GPHN: variants seen among roughly 807,000 people sequenced by gnomAD.
GPHN encodes gephyrin.
A neutral mutation model predicts 95.5 loss-of-function variants in GPHN; 17 were observed. The observed-to-expected ratio is 0.18, with a 90% confidence interval of 0.12 to 0.27. GPHN has a LOEUF of 0.27. GPHN is among the 10% of genes least tolerant of loss of function. GPHN has a pLI of 1.00. For missense variants in GPHN, 660 were observed against 978.1 expected (o/e 0.67, Z 4.34); for synonymous variants, 320 against 322.5 (o/e 0.99, Z 0.08).
At chr14:67,556,612 G>T in the GPHN span, among the ~76,000 whole-genome samples, 1 of 152,154 alleles carries the variant, frequency 6.6e-6, no homozygotes, top group African/African-American at 2.4e-5. Context: ...GCCCAGCGGG[G>T]TGTGACGGTA....
At chr14:67,678,283 T>C in the GPHN span, 1 of 1,254,154 alleles carries the variant, frequency 8.0e-7, no homozygotes, top group Non-Finnish European at 1.2e-6. Context: ...CTGTGTAGTC[T>C]GCTGCAGTCT....
At chr14:66,535,317 C>T (rs2059103016) in intron 1 of GPHN, among the ~76,000 whole-genome samples, 1 of 152,066 alleles carries the variant, frequency 6.6e-6, no homozygotes, top group South Asian at 2.1e-4. Flanking sequence ...ATATGCTCTT[C>T]CACTGGTCTA....
chr14:67,586,665 C>T, the GPHN span: 15 of 478,946 alleles, frequency 3.1e-5, no homozygotes, highest in Non-Finnish European at 4.5e-5. Context: ...TCCTGACTCC[C>T]GTGTGATTAA....
intron 1 of GPHN, among the ~76,000 whole-genome samples, chr14:66,647,406 G>T (rs1331526910): frequency 6.6e-6 from 1 of 151,260 alleles, no homozygotes; most frequent in Non-Finnish European, 1.5e-5. Context: ...TATTAAGGAT[G>T]TATAAATTTT....
the GPHN span, among the ~76,000 whole-genome samples, chr14:67,452,552 G>C: frequency 6.6e-6 from 1 of 152,154 alleles, no homozygotes. Flanking sequence ...AGGTCCAAGT[G>C]GCCCTGTGCC....
At chr14:66,613,978 G>A (rs908580926) in intron 1 of GPHN, among the ~76,000 whole-genome samples, 2 of 151,972 alleles carry the variant, frequency 1.3e-5, no homozygotes, top group African/African-American at 4.8e-5. Flanking sequence ...CTGTAGTTAT[G>A]TGTTTATGTC....
At chr14:67,070,416 G>A (rs973129320) in intron 11 of GPHN, among the ~76,000 whole-genome samples, 16 of 148,194 alleles carry the variant, frequency 1.1e-4, no homozygotes, top group Non-Finnish European at 1.9e-4. Context: ...TTATATTACC[G>A]GCCGGGCGCG....
chr14:67,562,118 G>T, the GPHN span: 3 of 1,611,336 alleles, frequency 1.9e-6, no homozygotes, highest in South Asian at 2.2e-5. Context: ...CAATGTGACT[G>T]TTTTTACCCG....
At chr14:67,561,284 A>G in the GPHN span, among the ~76,000 whole-genome samples, 1 of 152,192 alleles carries the variant, frequency 6.6e-6, no homozygotes, top group Non-Finnish European at 1.5e-5. Flanking sequence ...GCAGTGGCTC[A>G]CACCTGTAGT....
chr14:66,724,939 TCTCCTC>T (rs1373913132), intron 2 of GPHN, among the ~76,000 whole-genome samples: 2 of 152,136 alleles, frequency 1.3e-5, no homozygotes, highest in Non-Finnish European at 2.9e-5. Context: ...CTGAATTGTG[TCTCCTC>T]CAAATTTATA....
At chr14:67,700,970 G>A in the GPHN span, among the ~76,000 whole-genome samples, 1 of 146,998 alleles carries the variant, frequency 6.8e-6, no homozygotes, top group East Asian at 2.0e-4. Flanking sequence ...GTTGCAGTAA[G>A]CGGAGATCTT....
At chr14:67,577,369 C>T in the GPHN span, 3 of 1,592,228 alleles carry the variant, frequency 1.9e-6, no homozygotes, top group Non-Finnish European at 2.6e-6. Flanking sequence ...CCCTCACCAC[C>T]CTGCCCTCTG....
At chr14:66,912,897 G>A (rs1376769668) in intron 5 of GPHN, among the ~76,000 whole-genome samples, 1 of 152,118 alleles carries the variant, frequency 6.6e-6, no homozygotes, top group Non-Finnish European at 1.5e-5. Context: ...AATGAAGACA[G>A]GATTACACTA....
At chr14:66,894,058 C>G (rs1285292973) in intron 5 of GPHN, among the ~76,000 whole-genome samples, 1 of 152,180 alleles carries the variant, frequency 6.6e-6, no homozygotes, top group African/African-American at 2.4e-5. Context: ...ATTGCCAAGA[C>G]AATCCTCAGC....
chr14:66,842,742 A>G lies in GPHN; in HGVS notation c.294+18176A>G, dbSNP rs190479792. The G allele has an allele frequency of 2.3e-4, 341 of 1,474,170 alleles. 2 individuals carry two copies. In the African/African-American group the frequency reaches 4.0e-3, roughly 17 times the overall value. The allele number at this position is 1,474,170 out of a possible 1,614,324, so 91.3% of individuals were successfully genotyped here. Reference sequence around the variant, plus strand: ...GTAAGCGAAGACTTCAATCCCAGCCAATCATTTTCAGATTAATAATTTTTA... The same window carrying G: ...GTAAGCGAAGACTTCAATCCCAGCCGATCATTTTCAGATTAATAATTTTTA... On this transcript the variant is annotated intron_variant, in intron 4 of 22. Transcript: ENST00000478722.
At chr14:66,653,788 T>G (rs1255573737) in intron 1 of GPHN, among the ~76,000 whole-genome samples, 2 of 152,180 alleles carry the variant, frequency 1.3e-5, no homozygotes, top group African/African-American at 4.8e-5. Flanking sequence ...CAGAGAAGTA[T>G]TCCATGGTAT....
At chr14:66,546,652 A>G (rs2059613078) in intron 1 of GPHN, among the ~76,000 whole-genome samples, 2 of 152,064 alleles carry the variant, frequency 1.3e-5, no homozygotes, top group Non-Finnish European at 2.9e-5. Flanking sequence ...CGTGCCTGCA[A>G]TCGCAGGCAC....
chr14:67,527,675 C>T, the GPHN span, among the ~76,000 whole-genome samples: 1 of 152,302 alleles, frequency 6.6e-6, no homozygotes, highest in African/African-American at 2.4e-5. Context: ...CGCAGCAGCC[C>T]CTCATTCCCC....
the GPHN span, chr14:67,302,132 A>G: frequency 1.8e-5 from 28 of 1,583,426 alleles, no homozygotes; most frequent in African/African-American, 2.3e-4. Context: ...AGTGTCCCAC[A>G]TACTGTTTTT....
Sources: allele counts gnomAD v4.1 joint callset (sites outside exome capture counted in the v4.1 genomes callset), GRCh38; gene constraint gnomAD v4.1.1; transcripts MANE v1.5; gene names NCBI Gene and HGNC (gene_info 2026-07-23, HGNC 2026-07-21).